The following CORO1C variants were observed in gnomAD, a reference collection of about 807,000 sequenced individuals.
CORO1C encodes the protein coronin-1C.
Under a neutral mutation model 51.2 loss-of-function variants are expected in CORO1C, and 14 were observed. That is an observed-to-expected ratio of 0.27 (90% CI 0.18 to 0.43). The LOEUF is 0.43. Among genes scored for constraint, CORO1C ranks in the 20% least tolerant of loss-of-function variants. CORO1C has a pLI of 1.00. For missense variants in CORO1C, 417 were observed against 607.8 expected (o/e 0.69, Z 3.30); for synonymous variants, 181 against 210.5 (o/e 0.86, Z 1.21).
At chr12:108,703,031 C>A in intron 1 of CORO1C, 4 of 1,293,136 alleles carry the variant, frequency 3.1e-6, no homozygotes, top group South Asian at 1.6e-5. Flanking sequence ...ACTTCTCAAG[C>A]GTGAGTTAGA....
intron 6 of CORO1C, among the ~76,000 whole-genome samples, chr12:108,656,223 GCAGCCACCCC>G: frequency 6.8e-6 from 1 of 147,208 alleles, no homozygotes; most frequent in South Asian, 2.2e-4. Flanking sequence ...CCTCCGCCCG[GCAGCCACCCC>G]GTCTGGGAAG....
At chr12:108,723,843 T>C (rs1483588925) in intron 1 of CORO1C, among the ~76,000 whole-genome samples, 1 of 152,238 alleles carries the variant, frequency 6.6e-6, no homozygotes, top group African/African-American at 2.4e-5. Context: ...GGCCTACTAA[T>C]GCCAATTTTT....
intron 2 of CORO1C, among the ~76,000 whole-genome samples, chr12:108,686,295 T>C (rs1187282685): frequency 6.6e-6 from 1 of 152,204 alleles, no homozygotes; most frequent in African/African-American, 2.4e-5. Flanking sequence ...ACAACACAGT[T>C]TACCTGAACC....
chr12:108,699,555 T>C (rs536836878), intron 2 of CORO1C, among the ~76,000 whole-genome samples: 1 of 152,328 alleles, frequency 6.6e-6, no homozygotes, highest in South Asian at 2.1e-4. Flanking sequence ...GCTATGGCTG[T>C]CTTCTCAGTT....
At chr12:108,701,571 C>T in intron 1 of CORO1C, 1 of 522,536 alleles carries the variant, frequency 1.9e-6, no homozygotes, top group Non-Finnish European at 3.4e-6. Context: ...AACAGCTCAT[C>T]AGTTTTAATT....
intron 2 of CORO1C, among the ~76,000 whole-genome samples, chr12:108,700,655 A>G (rs1403856693): frequency 6.6e-6 from 1 of 152,158 alleles, no homozygotes; most frequent in Admixed American, 6.5e-5. Flanking sequence ...CAACTCAAAA[A>G]AAAAAAGGAA....
At chr12:108,656,528 C>T (rs1440887614) in intron 6 of CORO1C, among the ~76,000 whole-genome samples, 6 of 152,192 alleles carry the variant, frequency 3.9e-5, no homozygotes, top group Non-Finnish European at 8.8e-5. Context: ...CTCTGCCCGG[C>T]CACCATCCTG....
chr12:108,702,846 A>G (rs1422801678), intron 1 of CORO1C: 1 of 1,535,646 alleles, frequency 6.5e-7, no homozygotes, highest in Non-Finnish European at 8.7e-7. Context: ...GGGGGCATGT[A>G]GCCGGGCTGA....
At chr12:108,690,775 T>C (rs1279741214) in intron 2 of CORO1C, among the ~76,000 whole-genome samples, 1 of 152,198 alleles carries the variant, frequency 6.6e-6, no homozygotes, top group Non-Finnish European at 1.5e-5. Flanking sequence ...GAACCCAAGA[T>C]GAGGTAGAAT....
rs2032369263 is a variant in CORO1C at position 108,646,601 on chromosome 12, G to T, written c.*802C>A. On this transcript the variant is annotated 3_prime_UTR_variant, in exon 11 of 11. Transcript: ENST00000261401. ...TAGATTATAATCATCTGAAGCACAG[G>T]ATAACCGAGAAGCAAAATTCCATTC... is the stretch of plus-strand genomic sequence containing the variant. The T allele has an allele frequency of 6.6e-6, 1 of 152,156 alleles. No individual in the cohort carries two copies. The highest frequency in any genetic ancestry group is 1.5e-5 in the Non-Finnish European group (1 of 68,038). 9.4% of individuals were successfully genotyped at this position (152,156 alleles called of 1,614,324 possible). A position where few individuals can be genotyped will look rare whatever the true frequency, so the allele number is the denominator to read the frequency against.
At chr12:108,715,388 T>C (rs1057172227) in intron 1 of CORO1C, among the ~76,000 whole-genome samples, 2 of 152,152 alleles carry the variant, frequency 1.3e-5, no homozygotes, top group Non-Finnish European at 2.9e-5. Context: ...GTTACTAAAA[T>C]GTGAGAATAT....
At chr12:108,672,550 G>A (rs2033757622) in intron 3 of CORO1C, among the ~76,000 whole-genome samples, 1 of 152,064 alleles carries the variant, frequency 6.6e-6, no homozygotes, top group South Asian at 2.1e-4. Flanking sequence ...CATTCTCTGT[G>A]TGAAAGAAAG....
rs768167585 is a variant in CORO1C at position 108,658,768 on chromosome 12, G to A, written c.600C>T (p.Val200=). 2 of 1,611,916 alleles carry A rather than the reference G, an allele frequency of 1.2e-6. No individual in the cohort carries two copies. Among genetic ancestry groups the A allele is most frequent in the Non-Finnish European group, 1.7e-6 (2 of 1,178,010 alleles). The stretch of plus-strand genomic sequence containing the variant: ...CAATCTCTTGTTTCCTGGGATCAAT[G>A]ACTCTCACTTTCTTGTCTTTGGAAG... The part of the protein sequence containing the change: ...CTASKDKKVR[V]IDPRKQEIVA... Residue 200 remains valine, a synonymous_variant, in exon 5 of 11, where the codon GTC becomes GTT. Transcript: ENST00000261401. This position sits in a 1 kb window ranked among gnomAD's most constrained non-coding sequence, Gnocchi z 4.9.
rs199929735 is a variant in CORO1C at position 108,706,196 on chromosome 12, C to CA, written c.-5-4874dup. Among the ~76,000 whole-genome samples the CA allele has an allele frequency of 8.3e-3, 1,158 of 139,496 alleles. 34 individuals carry two copies. The highest frequency in any genetic ancestry group is 0.012 in the Non-Finnish European group (803 of 64,982). 91.5% of individuals were successfully genotyped at this position (139,496 alleles called of 152,430 possible). ...AGTGAGACTCTGAATCAAAAAAAAACAAAAAAAACAAAAAAAAAGCATTTG... is the reference window on the plus strand; with the variant it reads ...AGTGAGACTCTGAATCAAAAAAAAACAAAAAAAAACAAAAAAAAAGCATTTG... On this transcript the variant is annotated intron_variant, in intron 1 of 10. Transcript: ENST00000261401.
At chr12:108,682,578 G>A (rs1316994350) in intron 2 of CORO1C, among the ~76,000 whole-genome samples, 2 of 152,048 alleles carry the variant, frequency 1.3e-5, no homozygotes, top group African/African-American at 4.8e-5. Context: ...AAATGACAAA[G>A]TCATAATCGT....
intron 2 of CORO1C, among the ~76,000 whole-genome samples, chr12:108,681,895 A>C (rs1383630974): frequency 6.6e-6 from 1 of 152,200 alleles, no homozygotes; most frequent in African/African-American, 2.4e-5. Flanking sequence ...TACAGATTTT[A>C]AAAAGACAGA....
At chr12:108,665,046 C>T (rs895087886) in intron 3 of CORO1C, among the ~76,000 whole-genome samples, 1 of 152,164 alleles carries the variant, frequency 6.6e-6, no homozygotes, top group African/African-American at 2.4e-5. Flanking sequence ...GGACTGAAAA[C>T]GCCTCTGTGT....
At chr12:108,654,218 T>C (rs758095318) in intron 7 of CORO1C, 88 bp downstream of exon 7, 4 of 858,810 alleles carry the variant, frequency 4.7e-6, no homozygotes, top group Non-Finnish European at 7.9e-6. Flanking sequence ...ATTAAACAGA[T>C]ACAACACATT....
At chr12:108,691,928 T>C (rs930539364) in intron 2 of CORO1C, among the ~76,000 whole-genome samples, 6 of 152,106 alleles carry the variant, frequency 3.9e-5, no homozygotes, top group Non-Finnish European at 2.9e-5. Flanking sequence ...CCGGGGTACA[T>C]TGGGAAGTTC....
Sources: gnomAD v4.1 joint callset for allele counts (sites outside exome capture counted in the v4.1 genomes callset) on GRCh38, gnomAD v4.1.1 for gene constraint, Gnocchi (gnomAD v3.1) non-coding constraint, MANE v1.5 for transcripts, NCBI Gene and HGNC (gene_info 2026-07-23, HGNC 2026-07-21) for gene names.